The following ANO3 variants were observed in gnomAD, a reference collection of about 807,000 sequenced individuals.
ANO3 encodes the protein anoctamin 3, also known as anoctamin-3.
In ANO3, 99 loss-of-function variants were observed where a neutral mutation model predicts 144.8. The ratio of observed to expected loss-of-function variants is 0.68; its 90% CI spans 0.58 to 0.81. The LOEUF (loss-of-function observed/expected upper bound fraction) is 0.81. Ranked by LOEUF, ANO3 falls within the 30% of genes least tolerant of loss-of-function variation. The pLI, the probability that ANO3 is intolerant of heterozygous loss-of-function variation, is 0.00. For synonymous variants in ANO3, 414 were observed against 392.6 expected, an observed-to-expected ratio of 1.05 and a Z score of -0.64; for missense variants, 905 against 1,202.2, an observed-to-expected ratio of 0.75 and a Z score of 3.66.
intron 14 of ANO3, among the ~76,000 whole-genome samples, chr11:26,564,827 G>A (rs191699497): frequency 7.5e-6 from 1 of 132,534 alleles, no homozygotes; most frequent in African/African-American, 2.8e-5. Context: ...TGAAATTTCA[G>A]GTAGTCTTTT....
chr11:26,411,429 T>C (rs1422953169), intron 1 of ANO3, among the ~76,000 whole-genome samples: 1 of 151,974 alleles, frequency 6.6e-6, no homozygotes, highest in East Asian at 1.9e-4. Flanking sequence ...ATTAATTTTC[T>C]GAAGGCATGC....
intron 3 of ANO3, among the ~76,000 whole-genome samples, chr11:26,448,024 G>T (rs1471615868): frequency 1.3e-5 from 2 of 152,192 alleles, no homozygotes; most frequent in Middle Eastern, 3.2e-3. Flanking sequence ...TTAGGGCCGG[G>T]TGCAGTGGCT....
chr11:26,612,041 A>G (rs1554978826), intron 17 of ANO3, among the ~76,000 whole-genome samples: 1 of 152,046 alleles, frequency 6.6e-6, no homozygotes, highest in Non-Finnish European at 1.5e-5. Context: ...AGTTGGATAT[A>G]TTTTTTAATC....
At chr11:26,590,307 T>C (rs1441771178) in intron 14 of ANO3, among the ~76,000 whole-genome samples, 1 of 152,226 alleles carries the variant, frequency 6.6e-6, no homozygotes, top group Non-Finnish European at 1.5e-5. Flanking sequence ...TTCTCATAAA[T>C]ACTCAACAAC....
At chr11:26,565,625 G>A (rs985596895) in intron 14 of ANO3, 2 of 1,612,280 alleles carry the variant, frequency 1.2e-6, no homozygotes, top group Non-Finnish European at 1.7e-6. Flanking sequence ...GGCTGTTGTT[G>A]GGTAGATTCA....
intron 1 of ANO3, among the ~76,000 whole-genome samples, chr11:26,416,368 G>C (rs1279165117): frequency 6.6e-6 from 1 of 151,780 alleles, no homozygotes; most frequent in African/African-American, 2.4e-5. Context: ...ATGCAGAGAA[G>C]ACACAAGATA....
At chr11:26,210,738 G>C (rs1001678077) in intron 1 of ANO3, among the ~76,000 whole-genome samples, 1 of 151,866 alleles carries the variant, frequency 6.6e-6, no homozygotes, top group Non-Finnish European at 1.5e-5. Flanking sequence ...TTATTCTCTT[G>C]TAGCAATTGT....
chr11:26,299,504 A>C (rs1156571797), intron 1 of ANO3, among the ~76,000 whole-genome samples: 1 of 152,224 alleles, frequency 6.6e-6, no homozygotes, highest in East Asian at 1.9e-4. Context: ...TAAGTTGAGA[A>C]GAAGCCACCA....
intron 17 of ANO3, among the ~76,000 whole-genome samples, chr11:26,608,491 G>A (rs1291860996): frequency 6.6e-6 from 1 of 152,140 alleles, no homozygotes; most frequent in Non-Finnish European, 1.5e-5. Context: ...TGCTTTGCTG[G>A]AGGGGAAACC....
At chr11:26,561,001 T>A (rs1410257883) in intron 14 of ANO3, 12 of 1,485,494 alleles carry the variant, frequency 8.1e-6, no homozygotes, top group Non-Finnish European at 1.1e-5. Context: ...TTTTGAAAGA[T>A]GAATTTGTCA....
intron 1 of ANO3, among the ~76,000 whole-genome samples, chr11:26,313,357 G>A (rs777553575): frequency 1.4e-4 from 22 of 152,220 alleles, no homozygotes; most frequent in Non-Finnish European, 2.5e-4. Flanking sequence ...GTGCAGTAAC[G>A]TAATTTCTTA....
chr11:26,383,636 C>T (rs114825426), intron 1 of ANO3, among the ~76,000 whole-genome samples: 5,202 of 152,118 alleles, frequency 0.034, 167 homozygotes, highest in African/African-American at 0.081. Flanking sequence ...AGGAGAACTA[C>T]ATTGAAAAAT....
At chr11:26,488,384 TG>T (rs1248543959) in intron 4 of ANO3, among the ~76,000 whole-genome samples, 2 of 152,210 alleles carry the variant, frequency 1.3e-5, no homozygotes, top group Non-Finnish European at 2.9e-5. Context: ...GAGACCTTCA[TG>T]GCAGCCCCTC....
chr11:26,264,949 C>T (rs1187979145), intron 1 of ANO3, among the ~76,000 whole-genome samples: 1 of 151,728 alleles, frequency 6.6e-6, no homozygotes, highest in East Asian at 1.9e-4. Flanking sequence ...AACACTCATA[C>T]AGTAAATGAA....
Position 26,572,258 on chromosome 11 carries a change from A to G in ANO3, c.1447+12479A>G, listed in dbSNP as rs551197612. The G allele has an allele frequency of 3.0e-6, 3 of 985,214 alleles. No individual in the cohort carries two copies. The East Asian group carries it at 3.4e-4, about 112-fold the overall frequency. The allele number at this position is 985,214 out of a possible 1,614,324, so 61.0% of individuals were successfully genotyped here. ...CTGACTGACCTGCTTCTCAGCTGTAAGCATTAAGATATCACCTCATTCAGG... is the reference window on the plus strand; with the variant it reads ...CTGACTGACCTGCTTCTCAGCTGTAGGCATTAAGATATCACCTCATTCAGG... On this transcript the variant is annotated intron_variant, in intron 14 of 26. Transcript: ENST00000256737.
chr11:26,299,387 AAAAT>A (rs1487343990), intron 1 of ANO3, among the ~76,000 whole-genome samples: 5 of 152,224 alleles, frequency 3.3e-5, no homozygotes, highest in Admixed American at 1.3e-4. Flanking sequence ...TGATAAGAGG[AAAAT>A]AAATAAATAC....
At chr11:26,325,598 CTTTTCATCCTAA>C (rs1387420335) in intron 1 of ANO3, among the ~76,000 whole-genome samples, 1 of 152,084 alleles carries the variant, frequency 6.6e-6, no homozygotes, top group Non-Finnish European at 1.5e-5. Flanking sequence ...CTTCAAAAAT[CTTTTCATCCTAA>C]GACTTGTTTT....
intron 1 of ANO3, among the ~76,000 whole-genome samples, chr11:26,233,099 C>T (rs1590207328): frequency 6.6e-6 from 1 of 151,940 alleles, no homozygotes. Context: ...CGCCTGTAGT[C>T]CCAGCTACTC....
chr11:26,645,474 C>T (rs1245847225), intron 23 of ANO3, among the ~76,000 whole-genome samples: 1 of 151,856 alleles, frequency 6.6e-6, no homozygotes, highest in African/African-American at 2.4e-5. Flanking sequence ...GATTTTCTGG[C>T]TAATACTGCA....
Sources: gnomAD v4.1 joint callset for allele counts (sites outside exome capture counted in the v4.1 genomes callset) on GRCh38, gnomAD v4.1.1 for gene constraint, MANE v1.5 for transcripts, NCBI Gene and HGNC (gene_info 2026-07-23, HGNC 2026-07-21) for gene names.